The following PYHIN1 variants were observed in gnomAD, a reference collection of about 807,000 sequenced individuals.
PYHIN1 encodes the protein pyrin and HIN domain-containing protein 1.
PYHIN1 carries 32 observed loss-of-function variants against 43.7 expected under a neutral mutation model. The ratio of observed to expected loss-of-function variants is 0.73; its 90% CI spans 0.55 to 0.98. The LOEUF is 0.98. Among genes scored for constraint, PYHIN1 ranks in the 50% least tolerant of loss-of-function variants. PYHIN1 has a pLI of 0.00. For synonymous variants in PYHIN1, 205 were observed against 203.1 expected (o/e 1.01, Z -0.08); for missense variants, 588 against 589.5 (o/e 1.00, Z 0.03).
chr1:158,953,971 C>T (rs1343354557), intron 7 of PYHIN1, among the ~76,000 whole-genome samples: 9 of 123,320 alleles, frequency 7.3e-5, no homozygotes, highest in African/African-American at 1.6e-4. Context: ...CCTCAGGAGC[C>T]GATGCGATCA....
chr1:158,953,123 T>C (rs914821902), intron 7 of PYHIN1, among the ~76,000 whole-genome samples: 1 of 152,188 alleles, frequency 6.6e-6, no homozygotes, highest in East Asian at 1.9e-4. Flanking sequence ...TCTCGCTGAT[T>C]GCTAGCACAG....
At chr1:158,968,709 G>A (rs572744620) in intron 7 of PYHIN1, among the ~76,000 whole-genome samples, 10 of 151,964 alleles carry the variant, frequency 6.6e-5, no homozygotes, top group Middle Eastern at 6.8e-3. Flanking sequence ...GTCCATTGAC[G>A]TTAGACTGGA....
At chr1:158,943,697 T>C in intron 5 of PYHIN1, 93 bp from the exon 6 acceptor site, 1 of 864,816 alleles carries the variant, frequency 1.2e-6, no homozygotes, top group Non-Finnish European at 1.8e-6. Flanking sequence ...AGTTGCTGTC[T>C]TGCATCTTGT....
chr1:158,957,827 A>C (rs1219322876), intron 7 of PYHIN1, among the ~76,000 whole-genome samples: 5 of 148,432 alleles, frequency 3.4e-5, no homozygotes, highest in Non-Finnish European at 6.0e-5. Flanking sequence ...CAACCTACAA[A>C]ATGGGAGAAA....
At chr1:158,932,888 G>A (rs1435674715) in intron 1 of PYHIN1, among the ~76,000 whole-genome samples, 1 of 152,168 alleles carries the variant, frequency 6.6e-6, no homozygotes, top group East Asian at 1.9e-4. Context: ...GATTTATATT[G>A]TCAAAGTTCA....
intron 7 of PYHIN1, among the ~76,000 whole-genome samples, chr1:158,960,747 T>A (rs1650271382): frequency 6.6e-6 from 1 of 152,354 alleles, no homozygotes; most frequent in East Asian, 1.9e-4. Context: ...TTGACATGAA[T>A]CAGGACCAGG....
chr1:158,939,485 G>C (rs183722592), intron 4 of PYHIN1: 3 of 1,550,838 alleles, frequency 1.9e-6, no homozygotes, highest in Admixed American at 3.9e-5. Context: ...AGAGAACTGC[G>C]GAATCTGGAA....
At chr1:158,977,488 G>C (rs1372918532), downstream of PYHIN1, among the ~76,000 whole-genome samples, 10 of 152,004 alleles carry the variant, frequency 6.6e-5, no homozygotes, top group African/African-American at 2.2e-4. Context: ...AGCTCCTCAG[G>C]AGCTCTCCCA....
downstream of PYHIN1, among the ~76,000 whole-genome samples, chr1:158,979,738 C>G (rs1651423558): frequency 6.6e-6 from 1 of 151,984 alleles, no homozygotes; most frequent in Admixed American, 6.6e-5. Context: ...TTTCTTCCAA[C>G]TTTTATTTTA....
At chr1:158,949,001 T>G (rs969841390) in intron 7 of PYHIN1, among the ~76,000 whole-genome samples, 2 of 152,030 alleles carry the variant, frequency 1.3e-5, no homozygotes, top group African/African-American at 4.8e-5. Flanking sequence ...GAGTGCAAAT[T>G]AGGCACTGAT....
intron 7 of PYHIN1, among the ~76,000 whole-genome samples, chr1:158,961,771 A>G (rs1650331598): frequency 6.6e-6 from 1 of 152,146 alleles, no homozygotes; most frequent in South Asian, 2.1e-4. Context: ...GCCTGGGCAG[A>G]GCCACCACTC....
chr1:158,938,962 T>A, intron 3 of PYHIN1, 118 bp from the exon 4 acceptor site: 1 of 718,384 alleles, frequency 1.4e-6, no homozygotes, highest in Non-Finnish European at 2.1e-6. Context: ...CCTGGGGATG[T>A]ACTTAAGTTT....
At chr1:158,990,410 T>A in the PYHIN1 span, among the ~76,000 whole-genome samples, 1 of 152,124 alleles carries the variant, frequency 6.6e-6, no homozygotes, top group African/African-American at 2.4e-5. Flanking sequence ...GACAACATTA[T>A]ATGTTTTTAT....
At chr1:158,968,546 A>G (rs1325644715) in intron 7 of PYHIN1, among the ~76,000 whole-genome samples, 2 of 152,118 alleles carry the variant, frequency 1.3e-5, no homozygotes, top group Non-Finnish European at 2.9e-5. Flanking sequence ...CAATTCCTCA[A>G]AGAACTTAGA....
intron 7 of PYHIN1, among the ~76,000 whole-genome samples, chr1:158,955,800 T>C (rs1649882389): frequency 2.4e-5 from 2 of 82,552 alleles, no homozygotes; most frequent in African/African-American, 4.1e-5. Context: ...TTCAAAAAAT[T>C]AAGGAATCCA....
At chr1:158,973,505 T>TCA (rs144676333) in intron 7 of PYHIN1, 142 bp from the exon 8 acceptor site, 242,157 of 479,884 alleles carry the variant, frequency 0.5, 35,788 homozygotes, top group Admixed American at 0.55. Flanking sequence ...AAAGGGATTT[T>TCA]CACACACACA....
chr1:158,978,929 A>T (rs2101748155), downstream of PYHIN1, among the ~76,000 whole-genome samples: 1 of 152,278 alleles, frequency 6.6e-6, no homozygotes, highest in East Asian at 1.9e-4. Context: ...AAATGTGTGA[A>T]CCAAAGAGAA....
Position 158,943,992 on chromosome 1 carries a change from A to G in PYHIN1, c.1191+14A>G. The G allele has an allele frequency of 6.4e-7, 1 of 1,556,410 alleles. No homozygotes were observed. Among genetic ancestry groups the G allele is most frequent in the Non-Finnish European group, 8.7e-7 (1 of 1,143,910 alleles). On this transcript the variant is annotated intron_variant, in intron 6 of 8. Transcript: ENST00000368140. The stretch of plus-strand genomic sequence containing the variant: ...AGTTTCATCCAGGTGAGAAATAAAG[A>G]AACAAATATTAGTTTTCCAAAGATG...
intron 7 of PYHIN1, among the ~76,000 whole-genome samples, chr1:158,971,347 C>T (rs1462820918): frequency 6.6e-6 from 1 of 151,838 alleles, no homozygotes; most frequent in Non-Finnish European, 1.5e-5. Context: ...GGAAGTAGAA[C>T]GTCCTTAAGT....
Sources: gnomAD v4.1 joint callset for allele counts (sites outside exome capture counted in the v4.1 genomes callset) on GRCh38, gnomAD v4.1.1 for gene constraint, MANE v1.5 for transcripts, NCBI Gene and HGNC (gene_info 2026-07-23, HGNC 2026-07-21) for gene names.